The following INPP4B variants were observed in gnomAD, a reference collection of about 807,000 sequenced individuals.
INPP4B encodes the protein inositol polyphosphate-4-phosphatase type II B.
Under a neutral mutation model 122.5 loss-of-function variants are expected in INPP4B, and 55 were observed. The ratio of observed to expected loss-of-function variants is 0.45; its 90% confidence interval spans 0.36 to 0.56. The LOEUF is 0.56. INPP4B is among the 20% of genes least tolerant of loss of function. The probability of loss-of-function intolerance (pLI) is 0.00; values close to 1 mark genes in which losing one functional copy is unlikely to be tolerated. For missense variants in INPP4B, 1,000 were observed against 1,097.7 expected, an observed-to-expected ratio of 0.91 and a Z score of 1.26; for synonymous variants, 403 against 388.7, an observed-to-expected ratio of 1.04 and a Z score of -0.43.
At chr4:142,212,521 C>T (rs72939252) in intron 12 of INPP4B, among the ~76,000 whole-genome samples, 235 of 152,272 alleles carry the variant, frequency 1.5e-3, no homozygotes, top group African/African-American at 5.3e-3. Flanking sequence ...AAGTTTCAGA[C>T]GTATTTTTCC....
At chr4:142,145,318 A>G (rs1221837716) in intron 18 of INPP4B, among the ~76,000 whole-genome samples, 2 of 152,162 alleles carry the variant, frequency 1.3e-5, no homozygotes, top group Non-Finnish European at 2.9e-5. Flanking sequence ...TAGACTTGTC[A>G]TATATTTTTT....
At position 142,805,074 on chromosome 4, in the gene INPP4B, C is replaced by A. The variant is rs184350375; in HGVS notation, c.-254+41135G>T. 2.5e-3 allele frequency among the ~76,000 whole-genome samples: 383 copies of A among 152,110 alleles called. 3 individuals carry two copies. The highest frequency in any genetic ancestry group is 9.0e-3 in the African/African-American group (372 of 41,490). ...CAACTGATCTTTTAAGATAAACAAC[C>A]GAATGGTTATATTAATAAATATGAA... On this transcript the variant is annotated intron_variant, in intron 1 of 25. Coordinates refer to ENST00000262992, the MANE Select transcript of INPP4B (RefSeq NM_001101669.3).
At chr4:142,260,407 T>C (rs966156084) in intron 11 of INPP4B, 85 bp downstream of exon 11, 4 of 840,460 alleles carry the variant, frequency 4.8e-6, no homozygotes, top group South Asian at 2.9e-5. Flanking sequence ...CAAACAACTG[T>C]GAGAATGCTG....
chr4:142,157,224 T>C (rs1327216204), intron 17 of INPP4B, among the ~76,000 whole-genome samples: 1 of 152,196 alleles, frequency 6.6e-6, no homozygotes, highest in Non-Finnish European at 1.5e-5. Flanking sequence ...ACTCAATTTA[T>C]CAAAGTTAGA....
intron 16 of INPP4B, among the ~76,000 whole-genome samples, chr4:142,165,110 C>A (rs1822084277): frequency 6.6e-6 from 1 of 151,714 alleles, no homozygotes; most frequent in South Asian, 2.1e-4. Flanking sequence ...TCTCCTGAAC[C>A]AGCTCTATCA....
chr4:142,570,878 A>G (rs1193776103), intron 2 of INPP4B, among the ~76,000 whole-genome samples: 2 of 151,784 alleles, frequency 1.3e-5, no homozygotes, highest in Non-Finnish European at 2.9e-5. Flanking sequence ...CCTAAGACAT[A>G]TTAATATTTT....
chr4:142,382,625 TATAA>T (rs1280577884), intron 7 of INPP4B, among the ~76,000 whole-genome samples: 1 of 116,802 alleles, frequency 8.6e-6, no homozygotes, highest in East Asian at 2.5e-4. Flanking sequence ...ATATATATAC[TATAA>T]ATATATACAT....
At chr4:142,553,323 G>T (rs892457815) in intron 2 of INPP4B, among the ~76,000 whole-genome samples, 1 of 152,110 alleles carries the variant, frequency 6.6e-6, no homozygotes, top group Admixed American at 6.5e-5. Context: ...TATCCAACTT[G>T]ATGTCTCTAT....
At chr4:142,628,695 A>T (rs1369342316) in intron 2 of INPP4B, among the ~76,000 whole-genome samples, 1 of 151,740 alleles carries the variant, frequency 6.6e-6, no homozygotes, top group Non-Finnish European at 1.5e-5. Context: ...TAGACATTTC[A>T]TAAGATATGG....
intron 3 of INPP4B, among the ~76,000 whole-genome samples, chr4:142,442,346 A>C (rs867689741): frequency 2.4e-5 from 3 of 126,992 alleles, no homozygotes; most frequent in African/African-American, 8.6e-5. Flanking sequence ...CGGGAGGCGG[A>C]GGTTGCAGTG....
chr4:142,727,222 C>A (rs1359016712), intron 1 of INPP4B, among the ~76,000 whole-genome samples: 5 of 152,170 alleles, frequency 3.3e-5, no homozygotes, highest in African/African-American at 1.2e-4. Flanking sequence ...AACTGCTCGA[C>A]TGCAGTGGTT....
At chr4:142,424,520 A>G (rs1212460849) in intron 5 of INPP4B, among the ~76,000 whole-genome samples, 2 of 152,114 alleles carry the variant, frequency 1.3e-5, no homozygotes, top group African/African-American at 4.8e-5. Flanking sequence ...CAATCTTGTT[A>G]TCTTGCACAC....
chr4:142,030,946 T>C (rs987268996), intron 25 of INPP4B, among the ~76,000 whole-genome samples: 1 of 152,158 alleles, frequency 6.6e-6, no homozygotes, highest in African/African-American at 2.4e-5. Flanking sequence ...GCTCATCTTC[T>C]TTAGATAGGG....
chr4:142,376,860 C>A (rs774292345), intron 7 of INPP4B, among the ~76,000 whole-genome samples: 1 of 151,922 alleles, frequency 6.6e-6, no homozygotes, highest in East Asian at 1.9e-4. Context: ...ACGACAAGGT[C>A]CCTATTGAGG....
intron 10 of INPP4B, among the ~76,000 whole-genome samples, chr4:142,270,115 C>T (rs1277920447): frequency 2.6e-5 from 4 of 152,186 alleles, no homozygotes; most frequent in Admixed American, 2.6e-4. Flanking sequence ...TTTCAGGAAG[C>T]AGCTTCTCCT....
chr4:142,551,892 TG>T (rs1447916104), intron 2 of INPP4B, among the ~76,000 whole-genome samples: 1 of 152,232 alleles, frequency 6.6e-6, no homozygotes, highest in Non-Finnish European at 1.5e-5. Flanking sequence ...ATACTCTAGC[TG>T]ACACTAAGGC....
intron 12 of INPP4B, among the ~76,000 whole-genome samples, chr4:142,218,427 A>G (rs1172192530): frequency 1.3e-5 from 2 of 152,236 alleles, no homozygotes; most frequent in African/African-American, 4.8e-5. Context: ...ATCTGGGTAT[A>G]TAAATTCAAA....
intron 9 of INPP4B, among the ~76,000 whole-genome samples, chr4:142,281,303 G>A (rs1259006030): frequency 6.6e-6 from 1 of 151,370 alleles, no homozygotes; most frequent in Non-Finnish European, 1.5e-5. Flanking sequence ...ACACTTATAA[G>A]GCCAGGTGAA....
intron 2 of INPP4B, among the ~76,000 whole-genome samples, chr4:142,611,485 C>T (rs1742485568): frequency 6.6e-6 from 1 of 151,736 alleles, no homozygotes; most frequent in African/African-American, 2.4e-5. Context: ...ATACTCATAA[C>T]TATGAATTAA....
Sources: allele counts gnomAD v4.1 joint callset (sites outside exome capture counted in the v4.1 genomes callset), GRCh38; gene constraint gnomAD v4.1.1; transcripts MANE v1.5; gene names NCBI Gene and HGNC (gene_info 2026-07-23, HGNC 2026-07-21).